SHROOM3: variants seen among roughly 807,000 people sequenced by gnomAD.
SHROOM3 encodes the protein protein Shroom3.
SHROOM3 carries 47 observed loss-of-function variants against 138.6 expected under a neutral mutation model. That is an observed-to-expected ratio of 0.34 (90% CI 0.27 to 0.43). The LOEUF (loss-of-function observed/expected upper bound fraction) is 0.43. Ranked by LOEUF, SHROOM3 falls within the 20% of genes least tolerant of loss-of-function variation. The pLI is 1.00. For synonymous variants in SHROOM3, 1,062 were observed against 1,063.3 expected (o/e 1.00, Z 0.02); for missense variants, 2,491 against 2,596.5 (o/e 0.96, Z 0.88).
At chr4:76,632,157 C>A (rs182529171) in intron 2 of SHROOM3, among the ~76,000 whole-genome samples, 3 of 152,018 alleles carry the variant, frequency 2.0e-5, no homozygotes, top group Non-Finnish European at 4.4e-5. Context: ...GTTGGATAGA[C>A]CAATCTGACA....
intron 2 of SHROOM3, among the ~76,000 whole-genome samples, chr4:76,607,026 A>ATGTG (rs1003694689): frequency 6.6e-6 from 1 of 151,646 alleles, no homozygotes; most frequent in East Asian, 1.9e-4. Context: ...ATTTATATGT[A>ATGTG]TGTGTGTGTG....
At chr4:76,714,788 C>T (rs1208059514) in intron 3 of SHROOM3, among the ~76,000 whole-genome samples, 2 of 152,266 alleles carry the variant, frequency 1.3e-5, no homozygotes, top group African/African-American at 2.4e-5. Flanking sequence ...CTATTTCTCT[C>T]CTCTACTTAT....
chr4:76,706,835 T>C (rs1057197671), intron 2 of SHROOM3, among the ~76,000 whole-genome samples: 3 of 152,200 alleles, frequency 2.0e-5, no homozygotes, highest in East Asian at 1.9e-4. Flanking sequence ...CTTTGAGGTG[T>C]ACATCTATAG....
At chr4:76,475,486 A>G (rs1018124747) in intron 1 of SHROOM3, among the ~76,000 whole-genome samples, 2 of 152,230 alleles carry the variant, frequency 1.3e-5, no homozygotes, top group African/African-American at 4.8e-5. Context: ...GGACTTTTGC[A>G]TTTTATCATA....
intron 1 of SHROOM3, among the ~76,000 whole-genome samples, chr4:76,536,473 A>T (rs1407074790): frequency 2.0e-5 from 3 of 152,220 alleles, no homozygotes; most frequent in Admixed American, 2.0e-4. Flanking sequence ...TTAACTAAAT[A>T]GGAGGCTGGA....
chr4:76,743,307 A>C (rs34041498), intron 5 of SHROOM3, among the ~76,000 whole-genome samples: 1 of 152,244 alleles, frequency 6.6e-6, no homozygotes, highest in East Asian at 1.9e-4. Context: ...TGCTCTTACC[A>C]GTCAGATGCT....
In SHROOM3 at chr4:76,692,369, C is replaced by T. The variant is rs532217268; in HGVS notation, c.324-17787C>T. Among the ~76,000 whole-genome samples the T allele has an allele frequency of 3.9e-5, 6 of 152,344 alleles. No individual in the cohort carries two copies. In the South Asian group the frequency reaches 1.2e-3, roughly 32 times the overall value. On this transcript the variant is annotated intron_variant, in intron 2 of 10. Transcript: ENST00000296043. Reference sequence around the variant, plus strand: ...GAACTGGCGATGGGTTCCCTGCCCTCAGGAACTCGTCTTATAAGAGGCAAA... The same window carrying T: ...GAACTGGCGATGGGTTCCCTGCCCTTAGGAACTCGTCTTATAAGAGGCAAA...
chr4:76,602,626 A>T (rs1734529484), intron 2 of SHROOM3, among the ~76,000 whole-genome samples: 2 of 152,212 alleles, frequency 1.3e-5, no homozygotes, highest in African/African-American at 4.8e-5. Flanking sequence ...GTTGGTGTTA[A>T]ATTGGATCTC....
Position 76,688,655 on chromosome 4 carries a change from A to G in SHROOM3, c.324-21501A>G, listed in dbSNP as rs1359565467. 2.8e-5 allele frequency: 28 copies of G among 985,346 alleles called. 1 individual carries two copies. The highest frequency in any genetic ancestry group is 1.0e-3 in the Middle Eastern group (2 of 1,936). The allele number at this position is 985,346 out of a possible 1,614,324, so 61.0% of individuals were successfully genotyped here. A position where few individuals can be genotyped will look rare whatever the true frequency, so the allele number is the denominator to read the frequency against. ...TTTGAAGAAAGATGAAACTTAAACTAGCACCATCCCTTCCTTTAGAATATT... is the reference window on the plus strand; with the variant it reads ...TTTGAAGAAAGATGAAACTTAAACTGGCACCATCCCTTCCTTTAGAATATT... On this transcript the variant is annotated intron_variant, in intron 2 of 10. Coordinates refer to ENST00000296043, the MANE Select transcript of SHROOM3 (RefSeq NM_020859.4).
chr4:76,579,475 A>G (rs1215474045), intron 2 of SHROOM3, among the ~76,000 whole-genome samples: 2 of 152,246 alleles, frequency 1.3e-5, no homozygotes, highest in Non-Finnish European at 2.9e-5. Flanking sequence ...CTCAAAAATA[A>G]TAATAAACAA....
At chr4:76,585,725 T>C (rs977258870) in intron 2 of SHROOM3, among the ~76,000 whole-genome samples, 1 of 152,192 alleles carries the variant, frequency 6.6e-6, no homozygotes, top group Non-Finnish European at 1.5e-5. Context: ...TTTTTATGTC[T>C]GTGGTGATTT....
intron 1 of SHROOM3, among the ~76,000 whole-genome samples, chr4:76,443,069 A>G (rs1730730296): frequency 6.6e-6 from 1 of 152,236 alleles, no homozygotes. Context: ...AATGTTTGGT[A>G]AATGTCTGTT....
intron 2 of SHROOM3, among the ~76,000 whole-genome samples, chr4:76,704,220 A>G (rs1719983964): frequency 6.6e-6 from 1 of 152,254 alleles, no homozygotes; most frequent in African/African-American, 2.4e-5. Flanking sequence ...TGATTCATTC[A>G]GCAAATATGC....
At chr4:76,504,323 T>G (rs1732161650) in intron 1 of SHROOM3, among the ~76,000 whole-genome samples, 1 of 152,138 alleles carries the variant, frequency 6.6e-6, no homozygotes, top group East Asian at 1.9e-4. Context: ...CACGCCTGGC[T>G]AAGTTTTTTG....
chr4:76,525,609 A>G (rs62300887), intron 1 of SHROOM3, among the ~76,000 whole-genome samples: 14,641 of 152,228 alleles, frequency 0.096, 980 homozygotes, highest in East Asian at 0.3. Flanking sequence ...ACCATGATGT[A>G]ACCTCTGCAG....
At chr4:76,713,764 G>A (rs76675982) in intron 3 of SHROOM3, among the ~76,000 whole-genome samples, 1,675 of 152,252 alleles carry the variant, frequency 0.011, 30 homozygotes, top group African/African-American at 0.037. Context: ...TTCACCAGGC[G>A]ATAGGAATTT....
intron 1 of SHROOM3, among the ~76,000 whole-genome samples, chr4:76,472,846 C>T (rs931926478): frequency 1.3e-5 from 2 of 152,064 alleles, no homozygotes; most frequent in East Asian, 1.9e-4. Context: ...AGACATGTGC[C>T]GCCATGTCCA....
At position 76,727,887 on chromosome 4, in the gene SHROOM3, C is replaced by CAAAAAAAAAAAA. The variant is rs71212446; in HGVS notation, c.456-2908_456-2907insAAAAAAAAAAAA. On this transcript the variant is annotated intron_variant, in intron 3 of 10. Transcript: ENST00000296043. ...TGGGCGATAGAGCAAGACTCCATCT[C>CAAAAAAAAAAAA]AAAAAAAAAGGTTGATTCAACTTTA... is the stretch of plus-strand genomic sequence containing the variant. 4.4e-4 allele frequency among the ~76,000 whole-genome samples: 42 copies of CAAAAAAAAAAAA among 96,254 alleles called. 1 individual carries two copies. The highest frequency in any genetic ancestry group is 8.3e-4 in the Non-Finnish European group (37 of 44,668). 63.1% of individuals were successfully genotyped at this position (96,254 alleles called of 152,430 possible). A position where few individuals can be genotyped will look rare whatever the true frequency, so the allele number is the denominator to read the frequency against.
intron 2 of SHROOM3, among the ~76,000 whole-genome samples, chr4:76,589,294 C>A (rs1395705381): frequency 6.6e-6 from 1 of 152,118 alleles, no homozygotes; most frequent in Non-Finnish European, 1.5e-5. Flanking sequence ...ATGGAGAAAC[C>A]CTGTCTCTAC....
Sources: gnomAD v4.1 joint callset for allele counts (sites outside exome capture counted in the v4.1 genomes callset) on GRCh38, gnomAD v4.1.1 for gene constraint, MANE v1.5 for transcripts, NCBI Gene and HGNC (gene_info 2026-07-23, HGNC 2026-07-21) for gene names.